Variants in SCAPER observed in about 807,000 individuals in gnomAD.
SCAPER encodes the protein S phase cyclin A-associated protein in the endoplasmic reticulum.
SCAPER carries 98 observed loss-of-function variants against 182.2 expected under a neutral mutation model. The ratio of observed to expected loss-of-function variants is 0.54; its 90% CI spans 0.46 to 0.64. The LOEUF is 0.64. Ranked by LOEUF, SCAPER falls within the 30% of genes least tolerant of loss-of-function variation. The pLI, the probability that SCAPER is intolerant of heterozygous loss-of-function variation, is 0.00. For synonymous variants in SCAPER, 605 were observed against 564.6 expected, an observed-to-expected ratio of 1.07 and a Z score of -1.01; for missense variants, 1,432 against 1,690.0, an observed-to-expected ratio of 0.85 and a Z score of 2.68.
At chr15:76,621,011 A>T (rs866944230) in intron 22 of SCAPER, among the ~76,000 whole-genome samples, 18 of 151,934 alleles carry the variant, frequency 1.2e-4, no homozygotes, top group African/African-American at 3.1e-4. Context: ...ACTTAAAATT[A>T]AAAAAAAATT....
intron 1 of SCAPER, among the ~76,000 whole-genome samples, chr15:76,884,103 T>C (rs530006650): frequency 2.4e-4 from 37 of 152,324 alleles, no homozygotes; most frequent in African/African-American, 8.7e-4. Flanking sequence ...AGAAACAGTA[T>C]TAATTACATG....
At chr15:76,748,178 C>T (rs550994425) in intron 15 of SCAPER, among the ~76,000 whole-genome samples, 14 of 151,970 alleles carry the variant, frequency 9.2e-5, no homozygotes, top group Admixed American at 3.3e-4. Context: ...TTAGTAGAGA[C>T]GGGGTTTCTC....
chr15:76,847,301 C>T (rs1293910158), intron 4 of SCAPER, among the ~76,000 whole-genome samples: 1 of 151,894 alleles, frequency 6.6e-6, no homozygotes, highest in African/African-American at 2.4e-5. Context: ...ATGTAACAAA[C>T]CTGCACATTG....
intron 25 of SCAPER, among the ~76,000 whole-genome samples, chr15:76,440,945 G>T (rs1489700059): frequency 8.2e-6 from 1 of 121,598 alleles, no homozygotes; most frequent in Admixed American, 9.8e-5. Flanking sequence ...TTTTGGGGAC[G>T]GAGTCTGGCT....
chr15:76,757,477 C>T (rs987135227), intron 14 of SCAPER, among the ~76,000 whole-genome samples: 31 of 152,086 alleles, frequency 2.0e-4, no homozygotes, highest in African/African-American at 7.5e-4. Context: ...CACACACACA[C>T]ACTCAAATAT....
rs773161768 is a variant in SCAPER, at chr15:76,434,167, C to G, written c.3222G>C (p.Gln1074His). Residue 1074 changes from glutamine to histidine, a missense_variant, in exon 26 of 32, where the codon CAG (glutamine) becomes CAC (histidine). Around this residue, in one of 5 missense-constraint regions of SCAPER, gnomAD observed 718 missense variants for 799.7 expected, o/e 0.90. Coordinates refer to ENST00000563290, the MANE Select transcript of SCAPER (RefSeq NM_020843.4). ...GTGTTGGTATTTTTGGGGTAGCTGG[C>G]TGGCAGTTTCCATCTGGTCGATTGG... ...LIANRPDGNC[Q>H]PATPKIPTQE... 1.2e-6 allele frequency: 2 copies of G among 1,613,838 alleles called. No individual in the cohort carries two copies. Among genetic ancestry groups the G allele is most frequent in the African/African-American group, 2.7e-5 (2 of 74,908 alleles).
intron 27 of SCAPER, among the ~76,000 whole-genome samples, chr15:76,387,149 A>C (rs1216586641): frequency 6.6e-6 from 1 of 152,224 alleles, no homozygotes; most frequent in African/African-American, 2.4e-5. Flanking sequence ...TGTGAGAAAG[A>C]GGAGTGAAAA....
chr15:76,511,839 A>ATGTGTGTGTGTGTGTGTG (rs769062491), intron 23 of SCAPER, among the ~76,000 whole-genome samples: 1 of 42,416 alleles, frequency 2.4e-5, no homozygotes, highest in Non-Finnish European at 6.2e-5. Flanking sequence ...TTATATATAT[A>ATGTGTGTGTGTGTGTGTG]TATATGTGTG....
chr15:76,432,870 G>C (rs2046959434), intron 26 of SCAPER, among the ~76,000 whole-genome samples: 1 of 152,200 alleles, frequency 6.6e-6, no homozygotes, highest in Admixed American at 6.5e-5. Flanking sequence ...CTTGGGCTAA[G>C]TACTTAACTT....
At chr15:76,787,429 G>C (rs1012881085) in intron 8 of SCAPER, among the ~76,000 whole-genome samples, 1 of 152,058 alleles carries the variant, frequency 6.6e-6, no homozygotes, top group South Asian at 2.1e-4. Flanking sequence ...CTCTCCCCAA[G>C]GCTGGAATGC....
At chr15:76,734,742 G>A (rs902788728) in intron 15 of SCAPER, among the ~76,000 whole-genome samples, 7 of 152,106 alleles carry the variant, frequency 4.6e-5, no homozygotes, top group African/African-American at 1.7e-4. Context: ...GGATGTGGTG[G>A]CAGGCACCTA....
At chr15:76,570,802 T>C (rs1280313938) in intron 23 of SCAPER, among the ~76,000 whole-genome samples, 3 of 152,140 alleles carry the variant, frequency 2.0e-5, no homozygotes, top group South Asian at 4.1e-4. Flanking sequence ...TCTTCTCTTC[T>C]GCTTGATTCC....
At chr15:76,685,588 T>C (rs969994139) in intron 20 of SCAPER, among the ~76,000 whole-genome samples, 1 of 152,112 alleles carries the variant, frequency 6.6e-6, no homozygotes, top group African/African-American at 2.4e-5. Flanking sequence ...AATTGAAATG[T>C]AATAATATGG....
intron 15 of SCAPER, among the ~76,000 whole-genome samples, chr15:76,734,255 T>C (rs756607962): frequency 3.3e-5 from 5 of 152,112 alleles, no homozygotes; most frequent in Non-Finnish European, 7.3e-5. Context: ...ATATTATGAG[T>C]AAAGGATAGC....
chr15:76,730,340 A>T (rs2060846459), intron 16 of SCAPER, among the ~76,000 whole-genome samples: 1 of 151,916 alleles, frequency 6.6e-6, no homozygotes, highest in African/African-American at 2.4e-5. Context: ...TGGGAATTGG[A>T]GGGAATGCCC....
chr15:76,388,785 C>G (rs1055757198), intron 27 of SCAPER, among the ~76,000 whole-genome samples: 8 of 151,806 alleles, frequency 5.3e-5, no homozygotes, highest in Non-Finnish European at 8.8e-5. Flanking sequence ...ATGGTGAAAC[C>G]CTGTCTCTAC....
At chr15:76,513,524 A>G (rs73444288) in intron 23 of SCAPER, among the ~76,000 whole-genome samples, 1,879 of 152,312 alleles carry the variant, frequency 0.012, 45 homozygotes, top group African/African-American at 0.043. Flanking sequence ...TTATATGCAA[A>G]TCTAAAAAGA....
intron 26 of SCAPER, among the ~76,000 whole-genome samples, chr15:76,418,807 G>A (rs2045827720): frequency 6.6e-6 from 1 of 152,228 alleles, no homozygotes; most frequent in Non-Finnish European, 1.5e-5. Flanking sequence ...TGGCCTGAGA[G>A]CTGGATCAGT....
chr15:76,554,608 T>C (rs920230999), intron 23 of SCAPER, among the ~76,000 whole-genome samples: 1 of 151,952 alleles, frequency 6.6e-6, no homozygotes, highest in East Asian at 1.9e-4. Flanking sequence ...CTACTTATCA[T>C]TGCTTTGGCT....
Sources: gnomAD v4.1 joint callset for allele counts (sites outside exome capture counted in the v4.1 genomes callset) on GRCh38, gnomAD v4.1.1 for gene constraint, gnomAD v4.1.1 regional missense constraint, MANE v1.5 for transcripts, NCBI Gene and HGNC (gene_info 2026-07-23, HGNC 2026-07-21) for gene names.